Variants in SOX6 observed in about 807,000 individuals in gnomAD.
The protein encoded by SOX6 is SRY-box transcription factor 6, also known as transcription factor SOX-6.
In SOX6, 11 loss-of-function variants were observed where a neutral mutation model predicts 97.8. That is an observed-to-expected ratio of 0.11 (90% CI 0.07 to 0.19). SOX6 has a LOEUF of 0.19. Ranked by LOEUF, SOX6 falls within the 10% of genes least tolerant of loss-of-function variation. The pLI is 1.00. For missense variants in SOX6, 810 were observed against 1,039.5 expected, an observed-to-expected ratio of 0.78 and a Z score of 3.04; for synonymous variants, 360 against 371.4, an observed-to-expected ratio of 0.97 and a Z score of 0.35.
At chr11:16,459,986 G>T (rs1178400191) in intron 1 of SOX6, among the ~76,000 whole-genome samples, 1 of 151,436 alleles carries the variant, frequency 6.6e-6, no homozygotes, top group Non-Finnish European at 1.5e-5. Context: ...TCAATCTCAA[G>T]AAACATTAAG....
intron 4 of SOX6, among the ~76,000 whole-genome samples, chr11:16,553,524 A>G (rs1847713426): frequency 6.6e-6 from 1 of 151,920 alleles, no homozygotes; most frequent in Non-Finnish European, 1.5e-5. Flanking sequence ...TCTTATGCTA[A>G]TGAACAATGA....
rs574327609 is a variant in SOX6 at position 16,701,760 on chromosome 11, G to A, written n.429+13070C>T. Among the ~76,000 whole-genome samples the A allele has an allele frequency of 2.4e-3, 342 of 141,052 alleles. 1 individual carries two copies. The highest frequency in any genetic ancestry group is 4.1e-3 in the Admixed American group (58 of 14,176). The allele number at this position is 141,052 out of a possible 152,430, so 92.5% of individuals were successfully genotyped here. A position where few individuals can be genotyped will look rare whatever the true frequency, so the allele number is the denominator to read the frequency against. On this transcript the variant is annotated intron_variant and non_coding_transcript_variant, in intron 3 of 5. Transcript: ENST00000524520. ...AGTCCCAGCTACTCAGGGGCGGGCG[G>A]GACGGAGGGGTTCGGGGGGGTGGGA...
intron 4 of SOX6, among the ~76,000 whole-genome samples, chr11:16,500,905 A>G (rs954528538): frequency 2.0e-5 from 3 of 152,298 alleles, no homozygotes; most frequent in East Asian, 1.9e-4. Flanking sequence ...TATAGATTCA[A>G]TGCTATCCCC....
chr11:16,544,583 T>C (rs1847592292), intron 4 of SOX6, among the ~76,000 whole-genome samples: 2 of 152,078 alleles, frequency 1.3e-5, no homozygotes, highest in Non-Finnish European at 2.9e-5. Flanking sequence ...GTTTTTGGAG[T>C]GATGAAATTA....
Position 16,215,473 on chromosome 11 carries a change from GTAAGAA to G in SOX6, c.535+19103_535+19108del, listed in dbSNP as rs556856427. ...ATACATATGCCACTATGCTAACAAT[GTAAGAA>G]TCCCAGAAGTCTAGCCAGCATCCAG... On this transcript the variant is annotated intron_variant, in intron 4 of 15. Coordinates refer to ENST00000683767, the MANE Select transcript of SOX6 (RefSeq NM_001367873.1). Among the ~76,000 whole-genome samples the G allele has an allele frequency of 2.8e-3, 429 of 152,254 alleles. 9 individuals are homozygous for G. Among genetic ancestry groups the G allele is most frequent in the Non-Finnish European group, 2.7e-3 (187 of 68,010 alleles).
At chr11:16,624,179 T>C (rs373438758) in intron 3 of SOX6, among the ~76,000 whole-genome samples, 2 of 65,332 alleles carry the variant, frequency 3.1e-5, no homozygotes, top group Non-Finnish European at 6.4e-5. Context: ...ATTTTTATTT[T>C]TTTATTTTAT....
chr11:16,180,983 C>G lies in SOX6; in HGVS notation c.777+2903G>C, dbSNP rs1199111904. On this transcript the variant is annotated intron_variant, in intron 6 of 15. Transcript: ENST00000683767. ...TTTCAATTTGTGGAAGCCATTCATT[C>G]ATTTTCATTTGTTTCCATTATAATA... is the stretch of plus-strand genomic sequence containing the variant. 5.3e-5 allele frequency among the ~76,000 whole-genome samples: 8 copies of G among 151,806 alleles called. No homozygotes were observed. The South Asian group carries it at 1.7e-3, about 31-fold the overall frequency.
At chr11:16,174,793 C>T (rs1293735139) in intron 6 of SOX6, among the ~76,000 whole-genome samples, 1 of 151,988 alleles carries the variant, frequency 6.6e-6, no homozygotes, top group African/African-American at 2.4e-5. Flanking sequence ...ATAATTTCAA[C>T]TGTCTTTAAA....
At chr11:16,383,264 A>G (rs187007460) in intron 1 of SOX6, among the ~76,000 whole-genome samples, 1 of 152,066 alleles carries the variant, frequency 6.6e-6, no homozygotes, top group African/African-American at 2.4e-5. Flanking sequence ...TTATACAGCA[A>G]CATCCCTATA....
At chr11:16,339,198 AC>A (rs745782172) in intron 2 of SOX6, among the ~76,000 whole-genome samples, 4 of 151,852 alleles carry the variant, frequency 2.6e-5, no homozygotes, top group Non-Finnish European at 5.9e-5. Context: ...TCATTATACC[AC>A]GCCAGACTTT....
chr11:16,222,911 AAAT>A (rs1297016044), intron 4 of SOX6, among the ~76,000 whole-genome samples: 4 of 152,082 alleles, frequency 2.6e-5, no homozygotes, highest in African/African-American at 4.8e-5. Flanking sequence ...GTCTTTTTTA[AAAT>A]AATATTTTTT....
At chr11:16,197,944 T>C (rs910905511) in intron 4 of SOX6, among the ~76,000 whole-genome samples, 16 of 152,344 alleles carry the variant, frequency 1.1e-4, no homozygotes, top group African/African-American at 3.8e-4. Context: ...CTATAAAAAA[T>C]AATTTGTCAC....
At chr11:16,196,517 A>T (rs564088176) in intron 4 of SOX6, among the ~76,000 whole-genome samples, 5 of 152,314 alleles carry the variant, frequency 3.3e-5, no homozygotes, top group Non-Finnish European at 5.9e-5. Flanking sequence ...TATCTAGGGA[A>T]TTATCTATGA....
At chr11:16,232,198 T>C (rs1224537083) in intron 4 of SOX6, among the ~76,000 whole-genome samples, 2 of 151,946 alleles carry the variant, frequency 1.3e-5, no homozygotes, top group Non-Finnish European at 2.9e-5. Context: ...GGATAATAAC[T>C]GGCCTGGTTT....
chr11:16,200,547 A>G lies in SOX6; in HGVS notation c.536-13592T>C, dbSNP rs547379022. Among the ~76,000 whole-genome samples the G allele has an allele frequency of 1.7e-4, 26 of 152,338 alleles. No homozygotes were observed. The South Asian group carries it at 5.4e-3, about 32-fold the overall frequency. On this transcript the variant is annotated intron_variant, in intron 4 of 15. Coordinates refer to ENST00000683767, the MANE Select transcript of SOX6 (RefSeq NM_001367873.1). ...CTTTCCATCATACTGACACATCTAT[A>G]GAATATCTCTTAATCTCTTTCTAAA...
In SOX6 at chr11:16,049,788, T is replaced by C; in HGVS notation, c.1402A>G (p.Ile468Val). The change falls in exon 11 of 16, where the codon ATT becomes GTT. Residue 468 changes from isoleucine to valine, a missense_variant. Ile to Val is a conservative substitution (Grantham distance 29, BLOSUM62 3). This residue lies in a region of SOX6 where 244 missense variants were observed against 261.0 expected (regional missense o/e 0.93). Transcript: ENST00000683767. ...GATCCTCTTCCCAGGCTTCCTCCAA[T>C]GGGGCTAGGGATGCTGCTTTTGTTT... ...LPNKSSIPSP[I>V]GGSLGRGSSL... The C allele has an allele frequency of 1.2e-6, 2 of 1,613,632 alleles. No homozygotes were observed. The highest frequency in any genetic ancestry group is 1.3e-5 in the African/African-American group (1 of 74,954).
intron 12 of SOX6, chr11:16,015,265 GA>G: frequency 1.7e-6 from 1 of 577,994 alleles, no homozygotes; most frequent in East Asian, 3.0e-5. Context: ...GTAGGGAAAG[GA>G]AAGCTGTGAC....
chr11:16,522,953 C>T (rs895086863), intron 4 of SOX6, among the ~76,000 whole-genome samples: 6 of 152,102 alleles, frequency 3.9e-5, no homozygotes, highest in African/African-American at 1.4e-4. Flanking sequence ...TACATGCACC[C>T]AATACAGGAG....
chr11:16,087,439 C>G (rs1397614585), intron 9 of SOX6, among the ~76,000 whole-genome samples: 1 of 152,050 alleles, frequency 6.6e-6, no homozygotes, highest in East Asian at 1.9e-4. Context: ...CAGGTTCTCA[C>G]CAAATTTCAT....
Sources: gnomAD v4.1 joint callset for allele counts (sites outside exome capture counted in the v4.1 genomes callset) on GRCh38, gnomAD v4.1.1 for gene constraint, gnomAD v4.1.1 regional missense constraint, MANE v1.5 for transcripts, NCBI Gene and HGNC (gene_info 2026-07-23, HGNC 2026-07-21) for gene names.